SELPLG: variants seen among roughly 807,000 people sequenced by gnomAD.
SELPLG encodes selectin P ligand.
In SELPLG, 2 loss-of-function variants were observed where a neutral mutation model predicts 1.1. The observed-to-expected ratio is 1.82, with a 90% CI of 0.74 to 5.71. The LOEUF (loss-of-function observed/expected upper bound fraction) is 5.71, where lower values mean the gene tolerates loss of function less well. Among genes scored for constraint, SELPLG ranks in the 30% most tolerant of loss-of-function variants. The pLI is 0.05. For synonymous variants in SELPLG, 230 were observed against 221.2 expected (o/e 1.04, Z -0.35); for missense variants, 478 against 524.7 (o/e 0.91, Z 0.87).
At chr12:108,624,542 ACTT>A (rs2031898987) in intron 1 of SELPLG, among the ~76,000 whole-genome samples, 1 of 152,096 alleles carries the variant, frequency 6.6e-6, no homozygotes, top group Non-Finnish European at 1.5e-5. Context: ...GGGCCCTTTA[ACTT>A]CTTCTAGATG....
intron 1 of SELPLG, among the ~76,000 whole-genome samples, chr12:108,624,625 A>G (rs8179140): frequency 0.056 from 8,547 of 151,498 alleles, 783 homozygotes; most frequent in African/African-American, 0.2. Flanking sequence ...AAGACAATCC[A>G]CTGGGGTGTA....
At chr12:108,632,430 A>C (rs868623940) in intron 1 of SELPLG, among the ~76,000 whole-genome samples, 1 of 125,166 alleles carries the variant, frequency 8.0e-6, no homozygotes, top group African/African-American at 3.6e-5. Context: ...GTGTGTGTGA[A>C]TGTGTGTACA....
rs558491434 is a variant in SELPLG at position 108,628,908 on chromosome 12, G to T, written c.-5-4596C>A. 2.4e-4 allele frequency among the ~76,000 whole-genome samples: 36 copies of T among 152,266 alleles called. 1 individual carries two copies. In the South Asian group the frequency reaches 7.0e-3, roughly 30 times the overall value. On this transcript the variant is annotated intron_variant, in intron 1 of 1. Transcript: ENST00000550948. ...GGGCAGGTTGCTTCACCCTCTCTAAGCCTCAGTTTCCTCATTGTAAAACCG... is the reference window on the plus strand; with the variant it reads ...GGGCAGGTTGCTTCACCCTCTCTAATCCTCAGTTTCCTCATTGTAAAACCG...
At position 108,623,916 on chromosome 12, in the gene SELPLG, G is replaced by T; in HGVS notation, c.392C>A (p.Ala131Glu). Residue 131 changes from alanine to glutamate, a missense_variant, in exon 2 of 2, where the codon GCA (alanine) becomes GAA (glutamate). Coordinates refer to ENST00000550948, the MANE Select transcript of SELPLG (RefSeq NM_003006.4). Reference sequence around the variant, plus strand: ...CGTGGGCACTGGTTGAGTGGTCTGTGCCTCCGTGGCTGCTGGTTGAGTGGT... The same window carrying T: ...CGTGGGCACTGGTTGAGTGGTCTGTTCCTCCGTGGCTGCTGGTTGAGTGGT... ...IQTTQPAATE[A>E]QTTQPVPTEA... 1 of 1,469,234 alleles carries T rather than the reference G, an allele frequency of 6.8e-7. No homozygotes were observed. The allele number at this position is 1,469,234 out of a possible 1,614,324, so 91.0% of individuals were successfully genotyped here.
Position 108,624,126 on chromosome 12 carries a change from T to C in SELPLG, c.182A>G (p.Glu61Gly). ...GGTGTCAGTGCTGTTCCTCAGCATT[T>C]CTGGAGGCTCCGTTTCTGGCAGGAA... is the stretch of plus-strand genomic sequence containing the variant. Reference protein sequence around the residue: ...YDFLPETEPPEMLRNSTDTTP... With the variant: ...YDFLPETEPPGMLRNSTDTTP... The change falls in exon 2 of 2, where the codon GAA (glutamate) becomes GGA (glycine). Residue 61 changes from glutamate to glycine, a missense_variant. Coordinates refer to ENST00000550948, the MANE Select transcript of SELPLG (RefSeq NM_003006.4). 2 of 1,614,176 alleles carry C rather than the reference T, an allele frequency of 1.2e-6. No individual in the cohort carries two copies. The highest frequency in any genetic ancestry group is 1.7e-6 in the Non-Finnish European group (2 of 1,180,024).
intron 1 of SELPLG, among the ~76,000 whole-genome samples, chr12:108,624,782 C>T (rs1211307187): frequency 1.3e-5 from 2 of 151,542 alleles, no homozygotes; most frequent in African/African-American, 4.9e-5. Context: ...CTCCACCTCC[C>T]GGGTTCAAGT....
intron 1 of SELPLG, among the ~76,000 whole-genome samples, chr12:108,630,283 A>T (rs1383389077): frequency 6.6e-6 from 1 of 152,178 alleles, no homozygotes; most frequent in Non-Finnish European, 1.5e-5. Context: ...AGCAGGCTGC[A>T]GGGGGCCCAG....
At chr12:108,633,364 G>A (rs1055217126) in intron 1 of SELPLG, among the ~76,000 whole-genome samples, 13 of 152,164 alleles carry the variant, frequency 8.5e-5, no homozygotes, top group East Asian at 1.9e-4. Context: ...AGCTGCATGC[G>A]GCGATGTGCG....
At chr12:108,624,804 C>T (rs1565889166) in intron 1 of SELPLG, among the ~76,000 whole-genome samples, 1 of 151,102 alleles carries the variant, frequency 6.6e-6, no homozygotes, top group African/African-American at 2.4e-5. Context: ...ATTCTCCTGT[C>T]TCAGCCTCCT....
intron 1 of SELPLG, among the ~76,000 whole-genome samples, chr12:108,625,260 C>T (rs557026912): frequency 6.6e-6 from 1 of 152,142 alleles, no homozygotes; most frequent in Non-Finnish European, 1.5e-5. Flanking sequence ...CTTGCTTCCA[C>T]CCTCCATAGC....
At chr12:108,628,267 C>A (rs2031975966) in intron 1 of SELPLG, among the ~76,000 whole-genome samples, 1 of 146,374 alleles carries the variant, frequency 6.8e-6, no homozygotes, top group Admixed American at 6.8e-5. Context: ...TGTCTCAAAA[C>A]AAAACAAGAA....
In SELPLG at chr12:108,624,196, GGGCAAGCAGGGGACCCAA is replaced by G. The variant is rs765922600; in HGVS notation, c.94_111del (p.Leu32_Ala37del). ...TATTCGGTGGCCTGTCTCCGGTCCC[GGGCAAGCAGGGGACCCAA>G]GGCTTTCTCGGCTTCATCTGCCCAG... On this transcript the variant is annotated inframe_deletion, in exon 2 of 2. Transcript: ENST00000550948. 8.1e-6 allele frequency: 13 copies of G among 1,614,132 alleles called. No individual in the cohort carries two copies. In the South Asian group the frequency reaches 1.3e-4, roughly 16 times the overall value.
intron 1 of SELPLG, among the ~76,000 whole-genome samples, chr12:108,629,849 A>G (rs954157316): frequency 2.0e-5 from 3 of 152,184 alleles, no homozygotes; most frequent in African/African-American, 7.2e-5. Flanking sequence ...TACCTCCTTA[A>G]TATTTGCTAC....
rs773514589 is a variant in SELPLG at position 108,623,101 on chromosome 12, C to T, written c.1207G>A (p.Asp403Asn). The change falls in exon 2 of 2, where the codon GAT becomes AAT. Residue 403 changes from aspartate to asparagine, a missense_variant. Asp to Asn is a conservative substitution (Grantham distance 23). Coordinates refer to ENST00000550948, the MANE Select transcript of SELPLG (RefSeq NM_003006.4). ...TPEPREDREG[D>N]DLTLHSFLP Reference sequence around the variant, plus strand: ...AGGAAGCTGTGCAGGGTGAGGTCATCCCCCTCACGGTCCTCCCTGGGCTCT... The same window carrying T: ...AGGAAGCTGTGCAGGGTGAGGTCATTCCCCTCACGGTCCTCCCTGGGCTCT... The T allele has an allele frequency of 2.0e-6, 3 of 1,531,586 alleles. No homozygotes were observed. Among genetic ancestry groups the T allele is most frequent in the Non-Finnish European group, 2.6e-6 (3 of 1,141,282 alleles). 94.9% of individuals were successfully genotyped at this position (1,531,586 alleles called of 1,614,324 possible).
intron 1 of SELPLG, among the ~76,000 whole-genome samples, chr12:108,625,610 T>C (rs745833444): frequency 1.4e-4 from 21 of 152,366 alleles, no homozygotes; most frequent in Middle Eastern, 3.4e-3. Context: ...TTATAGTCAC[T>C]GAGTGTGCCT....
In SELPLG at chr12:108,623,619, T is replaced by C; in HGVS notation, c.689A>G (p.Glu230Gly). Residue 230 changes from glutamate to glycine, a missense_variant, in exon 2 of 2, where the codon GAG becomes GGG. By Grantham distance (98) the Glu-to-Gly change is moderately conservative. Transcript: ENST00000550948. ...EAQTTQTTAM[E>G]AQTTAPEATE... ...GGCTTCTGGTGCAGTGGTCTGTGCC[T>C]CCATGGCTGTGGTTTGAGTGGTCTG... is the stretch of plus-strand genomic sequence containing the variant. 2 of 1,609,020 alleles carry C rather than the reference T, an allele frequency of 1.2e-6. No homozygotes were observed. The highest frequency in any genetic ancestry group is 1.7e-6 in the Non-Finnish European group (2 of 1,178,396).
chr12:108,632,457 C>T (rs149712683), intron 1 of SELPLG, among the ~76,000 whole-genome samples: 1 of 151,474 alleles, frequency 6.6e-6, no homozygotes, highest in East Asian at 1.9e-4. Flanking sequence ...CACAACTGGC[C>T]CCCACCATTT....
intron 1 of SELPLG, among the ~76,000 whole-genome samples, chr12:108,633,394 A>G (rs2032095647): frequency 6.6e-6 from 1 of 152,190 alleles, no homozygotes; most frequent in Non-Finnish European, 1.5e-5. Flanking sequence ...CCAGCTACTC[A>G]GGAGGCTGAG....
intron 1 of SELPLG, chr12:108,632,114 C>T (rs2032068647): frequency 3.3e-6 from 2 of 605,024 alleles, no homozygotes; most frequent in Non-Finnish European, 5.8e-6. Flanking sequence ...CACTCTGGGC[C>T]CAGCCTAGCA....
Sources: allele counts gnomAD v4.1 joint callset (sites outside exome capture counted in the v4.1 genomes callset), GRCh38; gene constraint gnomAD v4.1.1; transcripts MANE v1.5; gene names NCBI Gene and HGNC (gene_info 2026-07-23, HGNC 2026-07-21).